TP63: variants seen among roughly 807,000 people sequenced by gnomAD.
TP63 encodes tumor protein 63.
In TP63, 17 loss-of-function variants were observed where a neutral mutation model predicts 82.8. The ratio of observed to expected loss-of-function variants is 0.21; its 90% CI spans 0.14 to 0.31. The LOEUF is 0.31. TP63 is among the 10% of genes least tolerant of loss of function. TP63 has a pLI of 1.00. For synonymous variants in TP63, 330 were observed against 321.7 expected (o/e 1.03, Z -0.28); for missense variants, 648 against 895.3 (o/e 0.72, Z 3.52).
intron 1 of TP63, among the ~76,000 whole-genome samples, chr3:189,663,638 C>T (rs762395680): frequency 6.7e-6 from 1 of 149,842 alleles, no homozygotes; most frequent in Admixed American, 6.8e-5. Context: ...AGAGATCCTC[C>T]TGCCTCAGCC....
chr3:189,682,556 ATATATATATATATATAT>A (rs1560107470), intron 1 of TP63, among the ~76,000 whole-genome samples: 49 of 3,612 alleles, frequency 0.014, 2 homozygotes, highest in Middle Eastern at 0.25. Context: ...AAAAAAAAAT[ATATATATATATATATAT>A]ATATATATAT....
chr3:189,762,883 G>A (rs533776022), intron 3 of TP63, among the ~76,000 whole-genome samples: 1 of 152,260 alleles, frequency 6.6e-6, no homozygotes, highest in South Asian at 2.1e-4. Context: ...TATTGTACCT[G>A]GGAAAATATT....
At chr3:189,781,033 G>A (rs916130499) in intron 3 of TP63, among the ~76,000 whole-genome samples, 4 of 152,048 alleles carry the variant, frequency 2.6e-5, no homozygotes, top group African/African-American at 9.7e-5. Flanking sequence ...GAGAAAATCC[G>A]AGAACGTCAG....
intron 1 of TP63, among the ~76,000 whole-genome samples, chr3:189,715,829 G>A (rs747389651): frequency 6.6e-6 from 1 of 152,162 alleles, no homozygotes; most frequent in Non-Finnish European, 1.5e-5. Flanking sequence ...GAAATTGTTT[G>A]AGAAATAATT....
chr3:189,600,543 T>C, the TP63 span, among the ~76,000 whole-genome samples: 1 of 152,186 alleles, frequency 6.6e-6, no homozygotes, highest in African/African-American at 2.4e-5. Context: ...TGACAACTAG[T>C]AAGTATCAGA....
chr3:189,818,695 T>C (rs1305817767), intron 4 of TP63, among the ~76,000 whole-genome samples: 2 of 152,290 alleles, frequency 1.3e-5, no homozygotes, highest in African/African-American at 2.4e-5. Flanking sequence ...TTTTTAATGA[T>C]ATTACTTAAG....
intron 1 of TP63, among the ~76,000 whole-genome samples, chr3:189,673,432 T>G (rs1453917659): frequency 6.6e-6 from 1 of 152,034 alleles, no homozygotes; most frequent in Non-Finnish European, 1.5e-5. Flanking sequence ...AAGTAGAACA[T>G]AAAGATTGGA....
chr3:189,731,022 A>C (rs768227407), intron 1 of TP63, among the ~76,000 whole-genome samples: 57 of 151,992 alleles, frequency 3.8e-4, no homozygotes, highest in Non-Finnish European at 6.3e-4. Flanking sequence ...TTTCTGATGC[A>C]CAATTTTTTT....
intron 3 of TP63, among the ~76,000 whole-genome samples, chr3:189,795,097 C>G (rs1725560732): frequency 6.6e-6 from 1 of 152,030 alleles, no homozygotes; most frequent in Non-Finnish European, 1.5e-5. Context: ...TATATAGTCA[C>G]TCTGTAAAGA....
chr3:189,686,179 G>T (rs184070322), intron 1 of TP63, among the ~76,000 whole-genome samples: 2 of 152,250 alleles, frequency 1.3e-5, no homozygotes, highest in East Asian at 3.9e-4. Flanking sequence ...GTGTACTCTT[G>T]GTGTCCAGGT....
intron 4 of TP63, among the ~76,000 whole-genome samples, chr3:189,827,627 A>G (rs1372583112): frequency 6.6e-6 from 1 of 152,240 alleles, no homozygotes; most frequent in African/African-American, 2.4e-5. Context: ...CAGGGTAAGT[A>G]AAGGCATGGA....
intron 3 of TP63, among the ~76,000 whole-genome samples, chr3:189,793,178 C>A (rs1029438277): frequency 1.3e-5 from 2 of 151,932 alleles, no homozygotes; most frequent in East Asian, 1.9e-4. Flanking sequence ...AGAAAGACAT[C>A]TTAGATCACA....
intron 4 of TP63, among the ~76,000 whole-genome samples, chr3:189,844,999 A>ACCC (rs1714681407): frequency 6.6e-6 from 1 of 152,106 alleles, no homozygotes; most frequent in Non-Finnish European, 1.5e-5. Flanking sequence ...TGATTTCATC[A>ACCC]CCCTCTTACC....
intron 3 of TP63, among the ~76,000 whole-genome samples, chr3:189,770,564 CA>C (rs11417534): frequency 3.8e-4 from 54 of 142,846 alleles, no homozygotes; most frequent in Admixed American, 2.8e-4. Context: ...GACTCCGTCT[CA>C]AAAAAAAAAA....
At chr3:189,809,499 T>C (rs992079092) in intron 4 of TP63, among the ~76,000 whole-genome samples, 1 of 150,034 alleles carries the variant, frequency 6.7e-6, no homozygotes, top group African/African-American at 2.5e-5. Context: ...ACCAAAGTGG[T>C]ATGTTTGTCA....
chr3:189,700,675 C>T (rs940349238), intron 1 of TP63, among the ~76,000 whole-genome samples: 4 of 152,028 alleles, frequency 2.6e-5, no homozygotes, highest in Non-Finnish European at 5.9e-5. Context: ...TTGATGTGGG[C>T]GGGGTAAACT....
chr3:189,866,011 CA>C (rs1245559547), intron 5 of TP63, among the ~76,000 whole-genome samples: 1 of 152,194 alleles, frequency 6.6e-6, no homozygotes, highest in African/African-American at 2.4e-5. Context: ...CTGTTAAAAA[CA>C]GCTTTACGGG....
At chr3:189,717,030 T>G (rs1273297678) in intron 1 of TP63, among the ~76,000 whole-genome samples, 1 of 152,176 alleles carries the variant, frequency 6.6e-6, no homozygotes, top group Non-Finnish European at 1.5e-5. Flanking sequence ...ACTCCCAACC[T>G]CAGGTGATCT....
At chr3:189,678,889 T>G (rs906929160) in intron 1 of TP63, among the ~76,000 whole-genome samples, 10 of 152,124 alleles carry the variant, frequency 6.6e-5, no homozygotes, top group Middle Eastern at 3.4e-3. Context: ...ACTTCTTGAT[T>G]TGTTTCTTAG....
Sources: allele counts gnomAD v4.1 joint callset (sites outside exome capture counted in the v4.1 genomes callset), GRCh38; gene constraint gnomAD v4.1.1; transcripts MANE v1.5; gene names NCBI Gene and HGNC (gene_info 2026-07-23, HGNC 2026-07-21).